TPTE2: variants seen among roughly 807,000 people sequenced by gnomAD.
TPTE2 encodes phosphatidylinositol 3,4,5-trisphosphate 3-phosphatase TPTE2.
Under a neutral mutation model 78.6 loss-of-function variants are expected in TPTE2, and 53 were observed. The observed-to-expected ratio is 0.67, with a 90% CI of 0.54 to 0.85. TPTE2 has a LOEUF of 0.85. Among genes scored for constraint, TPTE2 ranks in the 40% least tolerant of loss-of-function variants. TPTE2 has a pLI of 0.00. For missense variants in TPTE2, 461 were observed against 623.0 expected, an observed-to-expected ratio of 0.74 and a Z score of 2.77; for synonymous variants, 175 against 206.2, an observed-to-expected ratio of 0.85 and a Z score of 1.30.
chr13:19,559,556 A>C, the TPTE2 span, among the ~76,000 whole-genome samples: 268 of 143,814 alleles, frequency 1.9e-3, 3 homozygotes, highest in Non-Finnish European at 8.4e-4. Flanking sequence ...CTAATGCCCA[A>C]TGCAAATGAT....
chr13:19,472,954 T>C (rs969470242), intron 6 of TPTE2, among the ~76,000 whole-genome samples: 5 of 152,208 alleles, frequency 3.3e-5, no homozygotes, highest in Admixed American at 1.3e-4. Context: ...CTTGCAGACT[T>C]ATAGTGGTAC....
intron 1 of TPTE2, among the ~76,000 whole-genome samples, chr13:19,494,366 C>T (rs1306203755): frequency 4.6e-5 from 7 of 152,182 alleles, no homozygotes. Context: ...CGGTCTCTTT[C>T]TCTGTCACTG....
At chr13:19,556,108 C>G in the TPTE2 span, among the ~76,000 whole-genome samples, 8 of 152,000 alleles carry the variant, frequency 5.3e-5, no homozygotes, top group Admixed American at 2.0e-4. Flanking sequence ...CCACTGCGCC[C>G]GGCCAACAAA....
intron 3 of TPTE2, among the ~76,000 whole-genome samples, chr13:19,490,291 C>T (rs1418151060): frequency 6.6e-6 from 1 of 152,120 alleles, no homozygotes; most frequent in African/African-American, 2.4e-5. Flanking sequence ...TAAAAATGAA[C>T]ATAGCAAGAC....
chr13:19,531,995 T>A (rs1361194955), intron 1 of TPTE2, among the ~76,000 whole-genome samples: 1 of 152,170 alleles, frequency 6.6e-6, no homozygotes, highest in African/African-American at 2.4e-5. Flanking sequence ...AGTTGTCAAC[T>A]GTTTAAGAAA....
upstream of TPTE2, among the ~76,000 whole-genome samples, chr13:19,537,610 G>GT (rs1332951040): frequency 1.8e-3 from 253 of 140,864 alleles, 1 homozygote; most frequent in Middle Eastern, 8.3e-3. Flanking sequence ...TTTGTTTTTT[G>GT]TTTTTTTTTT....
intron 1 of TPTE2, among the ~76,000 whole-genome samples, chr13:19,521,884 A>G (rs1264259937): frequency 1.3e-5 from 2 of 152,020 alleles, no homozygotes; most frequent in Non-Finnish European, 2.9e-5. Context: ...ACTGCCTTTT[A>G]TATTTACTCA....
intron 13 of TPTE2, among the ~76,000 whole-genome samples, chr13:19,448,024 C>T (rs1877947014): frequency 6.6e-6 from 1 of 152,154 alleles, no homozygotes; most frequent in South Asian, 2.1e-4. Context: ...CAGAAAAAAT[C>T]CATGCATTTA....
chr13:19,500,084 C>T (rs1278647179), intron 1 of TPTE2, among the ~76,000 whole-genome samples: 2 of 151,706 alleles, frequency 1.3e-5, no homozygotes, highest in African/African-American at 4.9e-5. Context: ...CATACACTCT[C>T]CCAAGACTAA....
At chr13:19,460,498 T>C (rs1878818871) in intron 10 of TPTE2, among the ~76,000 whole-genome samples, 1 of 152,210 alleles carries the variant, frequency 6.6e-6, no homozygotes, top group South Asian at 2.1e-4. Flanking sequence ...TGCTTCTAAT[T>C]GGCCATCTTG....
At chr13:19,545,052 C>A in the TPTE2 span, among the ~76,000 whole-genome samples, 1 of 151,624 alleles carries the variant, frequency 6.6e-6, no homozygotes, top group African/African-American at 2.4e-5. Flanking sequence ...TAACACCTAC[C>A]AACTGGCCAG....
intron 3 of TPTE2, among the ~76,000 whole-genome samples, chr13:19,487,282 G>T (rs1468534338): frequency 6.6e-6 from 1 of 152,066 alleles, no homozygotes; most frequent in Non-Finnish European, 1.5e-5. Context: ...TGAGACACAG[G>T]TGCAAGGCCC....
At chr13:19,510,674 G>A (rs1159924156) in intron 1 of TPTE2, among the ~76,000 whole-genome samples, 14 of 152,092 alleles carry the variant, frequency 9.2e-5, no homozygotes, top group Non-Finnish European at 1.8e-4. Flanking sequence ...GTTTACAAAT[G>A]TAACATAATC....
chr13:19,433,615 G>C (rs1876844533), intron 15 of TPTE2, among the ~76,000 whole-genome samples: 1 of 152,148 alleles, frequency 6.6e-6, no homozygotes, highest in South Asian at 2.1e-4. Context: ...CTTTAGAAAG[G>C]GCCAGTCATG....
At chr13:19,541,317 T>C (rs35452230), upstream of TPTE2, among the ~76,000 whole-genome samples, 1 of 152,190 alleles carries the variant, frequency 6.6e-6, no homozygotes, top group Non-Finnish European at 1.5e-5. Context: ...ATCAAAGCAG[T>C]GACTACCCCC....
At chr13:19,424,832 A>AT (rs1463297475) in intron 19 of TPTE2, 115 bp downstream of exon 22, 6 of 690,864 alleles carry the variant, frequency 8.7e-6, no homozygotes, top group Non-Finnish European at 1.4e-5. Flanking sequence ...TGGCTCAGGG[A>AT]TTTTTTGCTT....
At chr13:19,444,949 C>T (rs940526003) in intron 13 of TPTE2, among the ~76,000 whole-genome samples, 8 of 152,304 alleles carry the variant, frequency 5.3e-5, no homozygotes, top group South Asian at 2.1e-4. Flanking sequence ...TGAAACATGA[C>T]GCCTTCCTCA....
Position 19,522,669 on chromosome 13 carries a change from C to T in TPTE2, c.-44+13927G>A, listed in dbSNP as rs1290998346. Among the ~76,000 whole-genome samples the T allele has an allele frequency of 3.6e-5, 5 of 137,694 alleles. No individual in the cohort carries two copies. In the Admixed American group the frequency reaches 4.0e-4, roughly 11 times the overall value. The allele number at this position is 137,694 out of a possible 152,430, so 90.3% of individuals were successfully genotyped here. A position where few individuals can be genotyped will look rare whatever the true frequency, so the allele number is the denominator to read the frequency against. ...ATGGAGTCTCGCTACATCACCCAGG[C>T]TGAAGTGCAGTGGTGTGATCTCGGC... On this transcript the variant is annotated intron_variant, in intron 1 of 17. Coordinates refer to the TPTE2 transcript ENST00000390680.
intron 14 of TPTE2, among the ~76,000 whole-genome samples, chr13:19,436,740 C>T (rs1193643255): frequency 6.6e-6 from 1 of 151,994 alleles, no homozygotes; most frequent in Admixed American, 6.6e-5. Context: ...GCAGAGGCTA[C>T]CAAAAATAAC....
Sources: allele counts gnomAD v4.1 joint callset (sites outside exome capture counted in the v4.1 genomes callset), GRCh38; gene constraint gnomAD v4.1.1; transcripts MANE v1.5; gene names NCBI Gene and HGNC (gene_info 2026-07-23, HGNC 2026-07-21).